Variants in SEMA3E observed in about 807,000 individuals in gnomAD.
SEMA3E encodes semaphorin-3E.
Under a neutral mutation model 93.6 loss-of-function variants are expected in SEMA3E, and 49 were observed. That is an observed-to-expected ratio of 0.52 (90% CI 0.42 to 0.66). SEMA3E has a LOEUF of 0.66. SEMA3E is among the 30% of genes least tolerant of loss of function. SEMA3E has a pLI of 0.00. For synonymous variants in SEMA3E, 363 were observed against 330.7 expected, an observed-to-expected ratio of 1.10 and a Z score of -1.06; for missense variants, 906 against 964.8, an observed-to-expected ratio of 0.94 and a Z score of 0.81.
intron 1 of SEMA3E, among the ~76,000 whole-genome samples, chr7:83,513,952 C>G (rs767739668): frequency 2.6e-5 from 4 of 152,054 alleles, no homozygotes; most frequent in Non-Finnish European, 5.9e-5. Context: ...ATGGTTAAGG[C>G]ATTCTAAATC....
intron 16 of SEMA3E, chr7:83,371,618 C>A (rs1447125007): frequency 6.6e-6 from 1 of 152,120 alleles, no homozygotes; most frequent in African/African-American, 2.4e-5. Context: ...ATCGTGCTAG[C>A]AGCCCAGGAA....
chr7:83,616,079 G>A (rs151249605), intron 1 of SEMA3E, among the ~76,000 whole-genome samples: 1 of 152,146 alleles, frequency 6.6e-6, no homozygotes, highest in Admixed American at 6.5e-5. Context: ...ACCCGTTGGG[G>A]TCCCTTTCAA....
intron 1 of SEMA3E, among the ~76,000 whole-genome samples, chr7:83,492,451 A>G (rs1029661888): frequency 1.4e-4 from 21 of 152,028 alleles, no homozygotes; most frequent in Admixed American, 1.4e-3. Context: ...CAGTTCTAAT[A>G]GTCTAAAGAT....
At chr7:83,634,698 A>T (rs755656818) in intron 1 of SEMA3E, among the ~76,000 whole-genome samples, 3 of 152,048 alleles carry the variant, frequency 2.0e-5, no homozygotes, top group Non-Finnish European at 4.4e-5. Context: ...TGAATGTGTT[A>T]CAGGAGTTTA....
intron 2 of SEMA3E, among the ~76,000 whole-genome samples, chr7:83,472,850 G>C (rs986027606): frequency 1.3e-5 from 2 of 152,148 alleles, no homozygotes; most frequent in African/African-American, 4.8e-5. Flanking sequence ...TCTCGTGATA[G>C]TGAGTGAGTT....
chr7:83,466,978 G>A (rs1343238940), intron 3 of SEMA3E, among the ~76,000 whole-genome samples: 2 of 150,816 alleles, frequency 1.3e-5, no homozygotes, highest in Non-Finnish European at 3.0e-5. Flanking sequence ...TTTAAGTACA[G>A]TATAAACAAT....
intron 1 of SEMA3E, among the ~76,000 whole-genome samples, chr7:83,640,816 G>T (rs1793994018): frequency 6.6e-6 from 1 of 152,188 alleles, no homozygotes; most frequent in African/African-American, 2.4e-5. Flanking sequence ...GAGAGAAGGG[G>T]TGGTGCCAGC....
At chr7:83,647,213 C>T (rs1290948129) in intron 1 of SEMA3E, among the ~76,000 whole-genome samples, 2 of 152,048 alleles carry the variant, frequency 1.3e-5, no homozygotes, top group Non-Finnish European at 1.5e-5. Flanking sequence ...AAAACATCCA[C>T]TATTCTAAAA....
chr7:83,442,597 C>T (rs1789137964), intron 4 of SEMA3E, among the ~76,000 whole-genome samples: 1 of 152,014 alleles, frequency 6.6e-6, no homozygotes, highest in Admixed American at 6.6e-5. Context: ...TTATTTTTCT[C>T]TTTTCTTTTT....
chr7:83,633,847 T>C (rs1001163086), intron 1 of SEMA3E, among the ~76,000 whole-genome samples: 2 of 151,520 alleles, frequency 1.3e-5, no homozygotes, highest in African/African-American at 4.9e-5. Flanking sequence ...GGCTGGGGAG[T>C]CCCAGAAGTG....
chr7:83,462,538 T>C (rs1304334528), intron 4 of SEMA3E, among the ~76,000 whole-genome samples: 3 of 151,858 alleles, frequency 2.0e-5, no homozygotes, highest in African/African-American at 4.8e-5. Flanking sequence ...CCCTTGTATC[T>C]CCCCACCTTA....
rs1325776882 is a variant in SEMA3E at position 83,366,188 on chromosome 7, A to G, written c.*1398T>C. 6.6e-6 allele frequency: 1 copy of G among 152,122 alleles called. No homozygotes were observed. Among genetic ancestry groups the G allele is most frequent in the Non-Finnish European group, 1.5e-5 (1 of 67,944 alleles). The allele number at this position is 152,122 out of a possible 1,614,324, so 9.4% of individuals were successfully genotyped here. ...CTGAAATAAACACTGTTTAAGATTA[A>G]TATCTAAATAAATGTTCATAATGGT... On this transcript the variant is annotated 3_prime_UTR_variant, in exon 17 of 17. Coordinates refer to ENST00000643230, the MANE Select transcript of SEMA3E (RefSeq NM_012431.3).
At chr7:83,432,899 C>A (rs528143598) in intron 4 of SEMA3E, among the ~76,000 whole-genome samples, 19 of 152,190 alleles carry the variant, frequency 1.2e-4, no homozygotes, top group African/African-American at 4.6e-4. Flanking sequence ...ATATTGAATG[C>A]ATAAATCTTA....
chr7:83,639,141 C>A (rs113523763), intron 1 of SEMA3E, among the ~76,000 whole-genome samples: 23,540 of 61,970 alleles, frequency 0.38, 4,998 homozygotes, highest in Middle Eastern at 0.45. Context: ...AAAAAAAAAA[C>A]AGAGATTCCT....
intron 1 of SEMA3E, among the ~76,000 whole-genome samples, chr7:83,569,885 T>TA (rs1429588151): frequency 1.3e-5 from 2 of 152,120 alleles, no homozygotes; most frequent in East Asian, 3.9e-4. Flanking sequence ...AAAAGACATC[T>TA]ACAGAATACT....
chr7:83,574,470 AAG>A (rs199677144), intron 1 of SEMA3E, among the ~76,000 whole-genome samples: 12 of 114,962 alleles, frequency 1.0e-4, no homozygotes, highest in African/African-American at 3.0e-4. Flanking sequence ...AAAAAAAAAA[AAG>A]AGAGAGAGAG....
At chr7:83,618,004 A>C (rs997842504) in intron 1 of SEMA3E, among the ~76,000 whole-genome samples, 15 of 152,220 alleles carry the variant, frequency 9.9e-5, no homozygotes, top group African/African-American at 3.6e-4. Context: ...AACAAATAAG[A>C]CATAGCCCTT....
At chr7:83,422,191 A>G (rs955791865) in intron 4 of SEMA3E, among the ~76,000 whole-genome samples, 2 of 152,158 alleles carry the variant, frequency 1.3e-5, no homozygotes, top group Non-Finnish European at 2.9e-5. Flanking sequence ...TAAACAAATT[A>G]AAAATAATGA....
chr7:83,604,004 A>G (rs2115992545), intron 1 of SEMA3E, among the ~76,000 whole-genome samples: 1 of 152,328 alleles, frequency 6.6e-6, no homozygotes, highest in Admixed American at 6.5e-5. Flanking sequence ...CTTCTATCAG[A>G]AATTTCTTCA....
Sources: allele counts gnomAD v4.1 joint callset (sites outside exome capture counted in the v4.1 genomes callset), GRCh38; gene constraint gnomAD v4.1.1; transcripts MANE v1.5; gene names NCBI Gene and HGNC (gene_info 2026-07-23, HGNC 2026-07-21).